Variants in CYP4F3 observed in about 807,000 individuals in gnomAD.
CYP4F3 encodes cytochrome P450 family 4 subfamily F member 3, also known as cytochrome P450 4F3.
Under a neutral mutation model 54.8 loss-of-function variants are expected in CYP4F3, and 50 were observed. The ratio of observed to expected loss-of-function variants is 0.91; its 90% CI spans 0.73 to 1.16. The LOEUF (loss-of-function observed/expected upper bound fraction) is 1.16. CYP4F3 is among the 50% of genes most tolerant of loss of function. The pLI is 0.00. For missense variants in CYP4F3, 715 were observed against 676.2 expected (o/e 1.06, Z -0.64); for synonymous variants, 244 against 262.6 (o/e 0.93, Z 0.69).
intron 3 of CYP4F3, among the ~76,000 whole-genome samples, chr19:15,646,532 A>AGGTCATG (rs1341798423): frequency 6.6e-6 from 1 of 152,178 alleles, no homozygotes; most frequent in Non-Finnish European, 1.5e-5. Flanking sequence ...CACGCTTTTA[A>AGGTCATG]GGTCATGTTA....
intron 10 of CYP4F3, 30 bp from the exon 11 acceptor site, chr19:15,658,461 T>G (rs538056130): frequency 1.9e-6 from 3 of 1,613,888 alleles, no homozygotes; most frequent in South Asian, 2.2e-5. Context: ...GCAGGGAGCA[T>G]TGTCCTGACT....
At position 15,657,198 on chromosome 19, in the gene CYP4F3, G is replaced by T. The variant is rs1385345927; in HGVS notation, c.1116-1066G>T. ...CTTTTGCTAAACTGGACATGAAGCT[G>T]TCAGCACGTGTGCACAGTGACCATT... is the stretch of plus-strand genomic sequence containing the variant. On this transcript the variant is annotated intron_variant, in intron 9 of 12. Coordinates refer to ENST00000221307, the MANE Select transcript of CYP4F3 (RefSeq NM_000896.3). 7.2e-5 allele frequency among the ~76,000 whole-genome samples: 11 copies of T among 152,232 alleles called. No homozygotes were observed. The East Asian group carries it at 2.1e-3, about 29-fold the overall frequency.
rs573278241 is a variant in CYP4F3, at chr19:15,652,931, G to A, written c.1094G>A (p.Arg365His). ...RQEVQELLKD[R>H]EPKEIEWDDL... ...GAGGTGCAAGAGCTTCTGAAGGACC[G>A]TGAGCCTAAAGAGATTGAATGGTGA... The change falls in exon 9 of 13, where the codon CGT becomes CAT. Residue 365 changes from arginine (R) to histidine (H), a missense_variant. Coordinates refer to ENST00000221307, the MANE Select transcript of CYP4F3 (RefSeq NM_000896.3). 14 of 1,610,548 alleles carry A rather than the reference G, an allele frequency of 8.7e-6. No individual in the cohort carries two copies. The highest frequency in any genetic ancestry group is 1.7e-4 in the Middle Eastern group (1 of 6,054).
At chr19:15,647,869 C>T (rs1298678103) in intron 5 of CYP4F3, among the ~76,000 whole-genome samples, 1 of 152,156 alleles carries the variant, frequency 6.6e-6, no homozygotes, top group Non-Finnish European at 1.5e-5. Flanking sequence ...CCATCTGATT[C>T]TCTCCCTCCA....
At chr19:15,641,942 C>T (rs572799827) in intron 2 of CYP4F3, among the ~76,000 whole-genome samples, 4 of 152,212 alleles carry the variant, frequency 2.6e-5, no homozygotes, top group Non-Finnish European at 2.9e-5. Context: ...TTGCTGGACT[C>T]GAGGCCTCCT....
intron 3 of CYP4F3, 60 bp downstream of exon 3, chr19:15,645,923 TGG>T: frequency 4.6e-6 from 7 of 1,505,978 alleles, no homozygotes; most frequent in Non-Finnish European, 6.3e-6. Context: ...TGCCCACAGC[TGG>T]GGTCTCTGTG....
chr19:15,641,938 G>A (rs1296304728), intron 2 of CYP4F3, among the ~76,000 whole-genome samples: 1 of 152,048 alleles, frequency 6.6e-6, no homozygotes, highest in East Asian at 1.9e-4. Context: ...TCCATTGCTG[G>A]ACTCGAGGCC....
chr19:15,653,914 G>A (rs900666599), intron 9 of CYP4F3, among the ~76,000 whole-genome samples: 1 of 151,488 alleles, frequency 6.6e-6, no homozygotes, highest in Non-Finnish European at 1.5e-5. Context: ...AATGGCTTCA[G>A]TTTTAGCCCA....
Position 15,649,956 on chromosome 19 carries a change from C to T in CYP4F3, c.691C>T (p.Leu231Phe), listed in dbSNP as rs1972739355. 1 of 1,614,150 alleles carries T rather than the reference C, an allele frequency of 6.2e-7. No homozygotes were observed. The highest frequency in any genetic ancestry group is 8.5e-7 in the Non-Finnish European group (1 of 1,180,010). ...TGCCGCCATCTTGGAGCTCAGTGCC[C>T]TTGTGACAAAAAGACACCAGCAGAT... is the stretch of plus-strand genomic sequence containing the variant. ...YIAAILELSA[L>F]VTKRHQQILL... The change falls in exon 7 of 13, where the codon CTT becomes TTT. Residue 231 changes from leucine (L) to phenylalanine (F), a missense_variant. By Grantham distance (22) the Leu-to-Phe change is conservative. Coordinates refer to ENST00000221307, the MANE Select transcript of CYP4F3 (RefSeq NM_000896.3).
At chr19:15,651,154 G>A (rs528785174) in intron 7 of CYP4F3, among the ~76,000 whole-genome samples, 1 of 148,546 alleles carries the variant, frequency 6.7e-6, no homozygotes, top group East Asian at 2.0e-4. Context: ...GATTACAGGC[G>A]TGAGCCACTG....
Position 15,645,266 on chromosome 19 carries a change from C to G in CYP4F3, c.199-453C>G, listed in dbSNP as rs1457407945. 3.3e-5 allele frequency among the ~76,000 whole-genome samples: 5 copies of G among 152,192 alleles called. No homozygotes were observed. The East Asian group carries it at 9.6e-4, about 29-fold the overall frequency. On this transcript the variant is annotated intron_variant, in intron 2 of 12. Coordinates refer to ENST00000221307, the MANE Select transcript of CYP4F3 (RefSeq NM_000896.3). ...TCACCAGATCAATTTTTCACCCAGT[C>G]CCTGTGTTTCTGATTGCCTAGTCTC...
chr19:15,656,854 CA>C (rs1255758453), intron 9 of CYP4F3, among the ~76,000 whole-genome samples: 1 of 152,012 alleles, frequency 6.6e-6, no homozygotes, highest in Non-Finnish European at 1.5e-5. Flanking sequence ...TGCTGTTTTA[CA>C]TGTACATATG....
chr19:15,647,148 G>A (rs1599885558), intron 4 of CYP4F3, 43 bp downstream of exon 4: 3 of 1,613,780 alleles, frequency 1.9e-6, no homozygotes, highest in Non-Finnish European at 2.5e-6. Context: ...AACCTGGGGG[G>A]CCAGGGGAGG....
At position 15,658,473 on chromosome 19, in the gene CYP4F3, C is replaced by T. The variant is rs1377970217; in HGVS notation, c.1250-18C>T. Reference sequence around the variant, plus strand: ...CAGGCAGGGAGCATTGTCCTGACTGCCCCCTTCTCTCCCACAGGCATTATC... The same window carrying T: ...CAGGCAGGGAGCATTGTCCTGACTGTCCCCTTCTCTCCCACAGGCATTATC... On this transcript the variant is annotated intron_variant, in intron 10 of 12. Transcript: ENST00000221307. 1.2e-6 allele frequency: 2 copies of T among 1,614,010 alleles called. No individual in the cohort carries two copies. Among genetic ancestry groups the T allele is most frequent in the South Asian group, 1.1e-5 (1 of 91,086 alleles).
intron 5 of CYP4F3, 52 bp from the exon 6 acceptor site, chr19:15,649,108 C>G (rs1972709642): frequency 5.0e-6 from 8 of 1,606,724 alleles, no homozygotes; most frequent in Admixed American, 1.7e-5. Context: ...GGTTGGAGAG[C>G]TGCTCAAGGG....
intron 2 of CYP4F3, among the ~76,000 whole-genome samples, chr19:15,642,430 C>T (rs143166402): frequency 1.3e-5 from 2 of 152,200 alleles, no homozygotes; most frequent in African/African-American, 4.8e-5. Flanking sequence ...GTGTGCAGAA[C>T]CTTCTCCATG....
chr19:15,661,127 T>G lies in CYP4F3; in HGVS notation c.*1742T>G, dbSNP rs1172565031. 1 of 151,228 alleles carries G rather than the reference T, an allele frequency of 6.6e-6. No homozygotes were observed. Among genetic ancestry groups the G allele is most frequent in the African/African-American group, 2.4e-5 (1 of 41,194 alleles). The allele number at this position is 151,228 out of a possible 1,614,324, so 9.4% of individuals were successfully genotyped here. A position where few individuals can be genotyped will look rare whatever the true frequency, so the allele number is the denominator to read the frequency against. On this transcript the variant is annotated 3_prime_UTR_variant, in exon 13 of 13. Transcript: ENST00000221307. The stretch of plus-strand genomic sequence containing the variant: ...AAATACAAAAGTTAGCTGGTCATGG[T>G]GGTGCGGGCCTGTAATCCCAGCTAC...
intron 2 of CYP4F3, 44 bp downstream of exon 2, chr19:15,641,657 G>C: frequency 6.9e-7 from 1 of 1,451,656 alleles, no homozygotes; most frequent in Non-Finnish European, 9.4e-7. Flanking sequence ...AGGGTGGATG[G>C]ACTTCCTGAG....
chr19:15,657,549 A>G (rs910379762), intron 9 of CYP4F3, among the ~76,000 whole-genome samples: 2 of 152,194 alleles, frequency 1.3e-5, no homozygotes, highest in Non-Finnish European at 2.9e-5. Context: ...TCGGTCTCCC[A>G]AAGTGCTGGG....
Sources: allele counts gnomAD v4.1 joint callset (sites outside exome capture counted in the v4.1 genomes callset), GRCh38; gene constraint gnomAD v4.1.1; transcripts MANE v1.5; gene names NCBI Gene and HGNC (gene_info 2026-07-23, HGNC 2026-07-21).